The following CFAP54 variants were observed in gnomAD, a reference collection of about 807,000 sequenced individuals.
CFAP54 encodes cilia- and flagella-associated protein 54.
A neutral mutation model predicts 370.4 loss-of-function variants in CFAP54; 290 were observed. That is an observed-to-expected ratio of 0.78 (90% CI 0.71 to 0.86). The LOEUF is 0.86. CFAP54 is among the 40% of genes least tolerant of loss of function. The pLI is 0.00. For missense variants in CFAP54, 3,399 were observed against 3,528.7 expected (o/e 0.96, Z 0.93); for synonymous variants, 1,206 against 1,236.5 (o/e 0.98, Z 0.52).
chr12:96,561,053 G>C (rs913558004), intron 17 of CFAP54, among the ~76,000 whole-genome samples: 5 of 152,082 alleles, frequency 3.3e-5, no homozygotes, highest in Admixed American at 3.3e-4. Flanking sequence ...TGTTCTTTGT[G>C]ATGCTCAAAG....
intron 20 of CFAP54, among the ~76,000 whole-genome samples, chr12:96,577,762 A>C (rs1592860085): frequency 6.6e-6 from 1 of 152,112 alleles, no homozygotes; most frequent in Non-Finnish European, 1.5e-5. Flanking sequence ...AGTAAAGCTT[A>C]CTCAAAACAA....
chr12:96,777,366 G>A (rs1296781059), intron 60 of CFAP54, among the ~76,000 whole-genome samples: 6 of 143,772 alleles, frequency 4.2e-5, no homozygotes, highest in African/African-American at 1.3e-4. Context: ...TTTTTTTTGA[G>A]ATGGAGTTTT....
At chr12:96,849,257 A>G (rs988195923) in intron 66 of CFAP54, among the ~76,000 whole-genome samples, 67 of 152,220 alleles carry the variant, frequency 4.4e-4, no homozygotes, top group African/African-American at 1.5e-3. Flanking sequence ...GTTTTTTTTC[A>G]TGGCTCTTGC....
At chr12:96,761,847 A>G (rs543328765) in intron 58 of CFAP54, among the ~76,000 whole-genome samples, 121 of 152,216 alleles carry the variant, frequency 7.9e-4, no homozygotes, top group African/African-American at 2.9e-3. Flanking sequence ...TTGACCTCTA[A>G]ATCTACCTTT....
Position 96,690,466 on chromosome 12 carries a change from CATCTAGTGTA to C in CFAP54, c.6082-659_6082-650del, listed in dbSNP as rs532313057. ...TTGTGTGTTCATCTTGTTTCTCCAA[CATCTAGTGTA>C]ATGTTGGTTACATAAATTACCAAAA... On this transcript the variant is annotated intron_variant, in intron 43 of 67. Transcript: ENST00000524981. 3.3e-5 allele frequency among the ~76,000 whole-genome samples: 5 copies of C among 152,272 alleles called. No homozygotes were observed. The East Asian group carries it at 7.7e-4, about 23-fold the overall frequency.
intron 5 of CFAP54, among the ~76,000 whole-genome samples, chr12:96,514,837 T>C (rs1955212957): frequency 6.6e-6 from 1 of 152,192 alleles, no homozygotes; most frequent in East Asian, 1.9e-4. Flanking sequence ...CTAATCTTAT[T>C]AGGAGATAAA....
intron 15 of CFAP54, among the ~76,000 whole-genome samples, chr12:96,552,329 T>G (rs117992833): frequency 0.011 from 1,719 of 152,004 alleles, 20 homozygotes; most frequent in Middle Eastern, 0.034. Flanking sequence ...TGCAGCATAT[T>G]TAGTAATAAT....
At chr12:96,696,116 T>C (rs12813512) in intron 45 of CFAP54, among the ~76,000 whole-genome samples, 38,576 of 152,094 alleles carry the variant, frequency 0.25, 5,079 homozygotes, top group South Asian at 0.29. Context: ...AAAGGGAACA[T>C]TTCTTGGCAG....
At chr12:96,723,672 C>CT (rs1592726189) in intron 50 of CFAP54, among the ~76,000 whole-genome samples, 1 of 149,736 alleles carries the variant, frequency 6.7e-6, no homozygotes, top group African/African-American at 2.5e-5. Flanking sequence ...TTTTTTTTTT[C>CT]TTTTTTTAAA....
intron 32 of CFAP54, 46 bp downstream of exon 32, chr12:96,630,697 C>A: frequency 8.1e-7 from 1 of 1,235,092 alleles, no homozygotes; most frequent in Non-Finnish European, 1.1e-6. Context: ...TTGAGGGTAA[C>A]TATGTGTTGG....
chr12:96,807,149 A>G (rs1019592456), intron 63 of CFAP54, among the ~76,000 whole-genome samples: 6 of 152,280 alleles, frequency 3.9e-5, no homozygotes, highest in African/African-American at 1.4e-4. Context: ...TCAGAACTGA[A>G]AAGAAACTAA....
At chr12:96,673,380 T>C (rs1391548373) in intron 39 of CFAP54, among the ~76,000 whole-genome samples, 1 of 152,228 alleles carries the variant, frequency 6.6e-6, no homozygotes, top group Non-Finnish European at 1.5e-5. Context: ...AGAAGTTTGC[T>C]GTATTTCAGT....
chr12:96,794,704 G>A (rs570276112), intron 63 of CFAP54, among the ~76,000 whole-genome samples: 1 of 152,244 alleles, frequency 6.6e-6, no homozygotes. Context: ...TCCTTGAGTA[G>A]CTTAATAATC....
chr12:96,554,609 G>A (rs1217630904), intron 16 of CFAP54, 67 bp from the exon 17 acceptor site: 3 of 1,374,076 alleles, frequency 2.2e-6, no homozygotes, highest in Non-Finnish European at 2.9e-6. Flanking sequence ...AGTGATAATA[G>A]TATACAGCTA....
intron 62 of CFAP54, among the ~76,000 whole-genome samples, chr12:96,790,834 A>C (rs1279098595): frequency 6.6e-6 from 1 of 152,238 alleles, no homozygotes; most frequent in African/African-American, 2.4e-5. Flanking sequence ...ACATTTAGAA[A>C]ACTTTTCACA....
At chr12:96,752,133 A>AGAGAGAGAGAGAGAGAGAGAGAGAGAG (rs1671757016) in intron 55 of CFAP54, among the ~76,000 whole-genome samples, 1 of 129,412 alleles carries the variant, frequency 7.7e-6, no homozygotes, top group Non-Finnish European at 1.7e-5. Context: ...AGAGAGAGAG[A>AGAGAGAGAGAGAGAGAGAGAGAGAGAG]TTGAGGCTGT....
At chr12:96,640,244 A>T (rs142999432) in intron 32 of CFAP54, among the ~76,000 whole-genome samples, 1 of 152,224 alleles carries the variant, frequency 6.6e-6, no homozygotes, top group East Asian at 1.9e-4. Context: ...CAGGATACGA[A>T]ATCAATGTGC....
chr12:96,534,008 T>G (rs1955473962), intron 10 of CFAP54, 35 bp downstream of exon 10: 1 of 1,498,064 alleles, frequency 6.7e-7, no homozygotes, highest in Non-Finnish European at 8.8e-7. Context: ...TGGTTTTTTT[T>G]TTGTTAAAAT....
Position 96,581,139 on chromosome 12 carries a change from GT to G in CFAP54, c.3075+43del, listed in dbSNP as rs759388891. On this transcript the variant is annotated intron_variant, in intron 22 of 67. Coordinates refer to ENST00000524981, the MANE Select transcript of CFAP54 (RefSeq NM_001306084.2). ...GATTTCTGCTAATTTTTTCCACTGTGTTTTTTTTTCCATTAAGCAGTTATGA... is the reference window on the plus strand; with the variant it reads ...GATTTCTGCTAATTTTTTCCACTGTGTTTTTTTTCCATTAAGCAGTTATGA... 8.2e-5 allele frequency: 109 copies of G among 1,325,862 alleles called. No homozygotes were observed. In the East Asian group the frequency reaches 8.8e-4, roughly 11 times the overall value. 82.1% of individuals were successfully genotyped at this position (1,325,862 alleles called of 1,614,324 possible).
Sources: gnomAD v4.1 joint callset for allele counts (sites outside exome capture counted in the v4.1 genomes callset) on GRCh38, gnomAD v4.1.1 for gene constraint, MANE v1.5 for transcripts, NCBI Gene and HGNC (gene_info 2026-07-23, HGNC 2026-07-21) for gene names.